Variants in PHF24 observed in about 807,000 individuals in gnomAD.
PHF24 encodes PHD finger protein 24, also known as Galpha inhibitory interacting protein.
PHF24 carries 25 observed loss-of-function variants against 42.6 expected under a neutral mutation model. The ratio of observed to expected loss-of-function variants is 0.59; its 90% CI spans 0.43 to 0.82. PHF24 has a LOEUF of 0.82. Among genes scored for constraint, PHF24 ranks in the 40% least tolerant of loss-of-function variants. PHF24 has a pLI of 0.00. For missense variants in PHF24, 470 were observed against 538.1 expected (o/e 0.87, Z 1.25); for synonymous variants, 185 against 204.8 (o/e 0.90, Z 0.83).
At chr9:34,763,904 C>T in the PHF24 span, among the ~76,000 whole-genome samples, 2,375 of 152,056 alleles carry the variant, frequency 0.016, 54 homozygotes, top group African/African-American at 0.049. Flanking sequence ...GTTTTTAGCA[C>T]GAAGGGTTGT....
At chr9:34,741,204 TA>T in the PHF24 span, among the ~76,000 whole-genome samples, 5 of 150,382 alleles carry the variant, frequency 3.3e-5, no homozygotes, top group African/African-American at 1.2e-4. Context: ...CTCATTTTTG[TA>T]AAAAAAGTTT....
the PHF24 span, among the ~76,000 whole-genome samples, chr9:34,868,401 CTA>C: frequency 1.3e-5 from 2 of 152,186 alleles, no homozygotes; most frequent in Admixed American, 1.3e-4. Flanking sequence ...GTCCTGTTCT[CTA>C]TGAAAAACTG....
chr9:34,673,890 G>C, the PHF24 span, among the ~76,000 whole-genome samples: 37 of 152,146 alleles, frequency 2.4e-4, no homozygotes, highest in Non-Finnish European at 4.3e-4. Context: ...CAGAGTGCTG[G>C]GATTACAGGT....
At chr9:34,829,949 A>T in the PHF24 span, among the ~76,000 whole-genome samples, 1 of 152,228 alleles carries the variant, frequency 6.6e-6, no homozygotes, top group Non-Finnish European at 1.5e-5. Flanking sequence ...CTGTAACAAG[A>T]TAGAGTTTTG....
At chr9:34,748,995 T>C in the PHF24 span, among the ~76,000 whole-genome samples, 3 of 152,030 alleles carry the variant, frequency 2.0e-5, no homozygotes, top group Non-Finnish European at 4.4e-5. Flanking sequence ...ATCAGATAAA[T>C]GTAACAAAGA....
chr9:34,902,418 G>GC, the PHF24 span, among the ~76,000 whole-genome samples: 1 of 152,182 alleles, frequency 6.6e-6, no homozygotes. Flanking sequence ...GGAGGATGAG[G>GC]CAGGAGGATG....
At chr9:34,886,315 A>G in the PHF24 span, among the ~76,000 whole-genome samples, 2 of 151,584 alleles carry the variant, frequency 1.3e-5, no homozygotes, top group African/African-American at 2.4e-5. Context: ...TCTATGAAAC[A>G]AAAGTCCTTG....
At chr9:34,708,910 G>A in the PHF24 span, 1 of 168,780 alleles carries the variant, frequency 5.9e-6, no homozygotes. Context: ...TGAGAACATA[G>A]CATTTTTCAG....
chr9:34,677,888 G>A, the PHF24 span, among the ~76,000 whole-genome samples: 1 of 152,180 alleles, frequency 6.6e-6, no homozygotes, highest in Admixed American at 6.5e-5. Context: ...ATTCCTCCTT[G>A]AATGGCTGGC....
the PHF24 span, chr9:34,832,940 A>G: frequency 3.9e-6 from 6 of 1,551,348 alleles, no homozygotes; most frequent in Non-Finnish European, 5.2e-6. Flanking sequence ...TAGCTGTGGG[A>G]GCTTAAACTG....
chr9:34,796,813 G>C, the PHF24 span, among the ~76,000 whole-genome samples: 1 of 152,116 alleles, frequency 6.6e-6, no homozygotes, highest in Non-Finnish European at 1.5e-5. Context: ...CCATTCCTAG[G>C]TATTTATACC....
At chr9:34,978,587 C>T (rs1347866835) in exon 8 of PHF24, 3 of 155,988 alleles carry the variant, frequency 1.9e-5, no homozygotes, top group Non-Finnish European at 4.3e-5. Flanking sequence ...GCATGTCAGA[C>T]TCGCATGCCT....
chr9:34,924,964 C>T, the PHF24 span, among the ~76,000 whole-genome samples: 1 of 152,030 alleles, frequency 6.6e-6, no homozygotes, highest in East Asian at 1.9e-4. Flanking sequence ...TTTATAGTTT[C>T]ACATGTTTTC....
chr9:34,802,778 G>C, the PHF24 span, among the ~76,000 whole-genome samples: 1 of 152,094 alleles, frequency 6.6e-6, no homozygotes, highest in Non-Finnish European at 1.5e-5. Context: ...TGCTAAGAAG[G>C]CTGAGCCTCT....
the PHF24 span, among the ~76,000 whole-genome samples, chr9:34,887,544 G>A: frequency 6.6e-6 from 1 of 152,124 alleles, no homozygotes; most frequent in Non-Finnish European, 1.5e-5. Context: ...CCAACCTCCA[G>A]GCATCTGCAT....
intron 1 of PHF24, among the ~76,000 whole-genome samples, chr9:34,968,816 A>G (rs1187879904): frequency 6.6e-6 from 1 of 152,266 alleles, no homozygotes; most frequent in Non-Finnish European, 1.5e-5. Flanking sequence ...GGCAGTGGAG[A>G]TAAGTACTGT....
intron 4 of PHF24, 90 bp from the exon 5 acceptor site, chr9:34,976,445 T>G: frequency 7.3e-7 from 1 of 1,372,474 alleles, no homozygotes. Flanking sequence ...GAGCTGTGGG[T>G]TTGGGGGCCC....
chr9:34,905,940 C>T, the PHF24 span, among the ~76,000 whole-genome samples: 1 of 152,102 alleles, frequency 6.6e-6, no homozygotes, highest in Non-Finnish European at 1.5e-5. Context: ...GGAGATGGGT[C>T]TTCAGAACCT....
the PHF24 span, among the ~76,000 whole-genome samples, chr9:34,908,381 A>G: frequency 6.6e-6 from 1 of 152,258 alleles, no homozygotes; most frequent in African/African-American, 2.4e-5. Flanking sequence ...AGACGGAAAC[A>G]GAAAAAAAAA....
Sources: gnomAD v4.1 joint callset for allele counts (sites outside exome capture counted in the v4.1 genomes callset) on GRCh38, gnomAD v4.1.1 for gene constraint, MANE v1.5 for transcripts, NCBI Gene and HGNC (gene_info 2026-07-23, HGNC 2026-07-21) for gene names.